DDHD2: variants seen among roughly 807,000 people sequenced by gnomAD.
DDHD2 encodes DDHD domain containing 2, also known as triacylglycerol hydrolase DDHD2.
Under a neutral mutation model 91.2 loss-of-function variants are expected in DDHD2, and 62 were observed. The observed-to-expected ratio is 0.68, with a 90% CI of 0.55 to 0.84. DDHD2 has a LOEUF of 0.84. Among genes scored for constraint, DDHD2 ranks in the 40% least tolerant of loss-of-function variants. The probability of loss-of-function intolerance (pLI) is 0.00; values close to 1 mark genes in which losing one functional copy is unlikely to be tolerated. For synonymous variants in DDHD2, 271 were observed against 293.9 expected, an observed-to-expected ratio of 0.92 and a Z score of 0.80; for missense variants, 740 against 846.9, an observed-to-expected ratio of 0.87 and a Z score of 1.57.
chr8:38,271,226 T>C (rs752819608), exon 2 of DDHD2: 22 of 152,188 alleles, frequency 1.4e-4, no homozygotes, highest in African/African-American at 5.3e-4. Flanking sequence ...GATAAGAGAC[T>C]AGGCTATTTA....
intron 11 of DDHD2, chr8:38,250,643 TTTTTC>T (rs1008578873): frequency 3.0e-4 from 46 of 152,248 alleles, no homozygotes; most frequent in African/African-American, 1.0e-3. Flanking sequence ...ATTTTTTGCT[TTTTTC>T]TTTTCATGAG....
intron 11 of DDHD2, chr8:38,251,541 C>T (rs561655361): frequency 1.3e-4 from 23 of 171,662 alleles, no homozygotes; most frequent in African/African-American, 4.1e-4. Context: ...AAAGTTTCAA[C>T]GCTACTGAAA....
At chr8:38,273,610 A>C (rs551385139), downstream of DDHD2, 2 of 152,390 alleles carry the variant, frequency 1.3e-5, no homozygotes, top group Non-Finnish European at 2.9e-5. Flanking sequence ...TTAAAAAACC[A>C]AACATCATAT....
At chr8:38,237,653 G>A in intron 4 of DDHD2, 26 bp downstream of exon 4, 10 of 1,375,956 alleles carry the variant, frequency 7.3e-6, no homozygotes, top group Non-Finnish European at 1.0e-5. Flanking sequence ...TCTCTTGTCG[G>A]GATAAAAAGT....
At chr8:38,256,389 A>T (rs1806513379) in intron 16 of DDHD2, among the ~76,000 whole-genome samples, 2 of 151,932 alleles carry the variant, frequency 1.3e-5, no homozygotes, top group Non-Finnish European at 2.9e-5. Flanking sequence ...TGTTGCCTAG[A>T]TCTCTGGGCT....
chr8:38,247,829 A>T lies in DDHD2; in HGVS notation c.1242A>T (p.Glu414Asp). The T allele has an allele frequency of 6.4e-7, 1 of 1,559,668 alleles. No individual in the cohort carries two copies. The highest frequency in any genetic ancestry group is 8.6e-7 in the Non-Finnish European group (1 of 1,161,282). Residue 414 changes from glutamate (E) to aspartate (D), a missense_variant, in exon 10 of 18, where the codon GAA becomes GAT. This residue lies in a region of DDHD2 where 693 missense variants were observed against 764.2 expected (regional missense o/e 0.91). Coordinates refer to ENST00000397166, the MANE Select transcript of DDHD2 (RefSeq NM_015214.3). ...DIFEKEKVDKEALALCTDRDL... is the reference protein window; with the variant it reads ...DIFEKEKVDKDALALCTDRDL... Reference sequence around the variant, plus strand: ...TTGAGAAGGAGAAAGTAGATAAGGAAGCTCTGGTAAAAATAATCTTTTAAA... The same window carrying T: ...TTGAGAAGGAGAAAGTAGATAAGGATGCTCTGGTAAAAATAATCTTTTAAA...
chr8:38,252,686 G>C (rs751618199), intron 13 of DDHD2, 36 bp from the exon 14 acceptor site: 1 of 1,444,390 alleles, frequency 6.9e-7, no homozygotes, highest in South Asian at 1.2e-5. Context: ...ACTGTGCTTA[G>C]CAGAGGTAAA....
intron 4 of DDHD2, 30 bp from the exon 5 acceptor site, chr8:38,238,059 T>C: frequency 2.6e-6 from 4 of 1,562,136 alleles, no homozygotes; most frequent in Non-Finnish European, 3.5e-6. Flanking sequence ...TTGCAGAATA[T>C]TTTTATTGCT....
chr8:38,245,486 C>G (rs769110298), intron 7 of DDHD2, among the ~76,000 whole-genome samples: 1 of 151,632 alleles, frequency 6.6e-6, no homozygotes, highest in Non-Finnish European at 1.5e-5. Flanking sequence ...TACCACTTAC[C>G]TCTCTGTCTA....
Position 38,238,110 on chromosome 8 carries a change from G to C in DDHD2, c.523G>C (p.Val175Leu), listed in dbSNP as rs368985789. 3.1e-6 allele frequency: 5 copies of C among 1,611,194 alleles called. No homozygotes were observed. In the African/African-American group the frequency reaches 5.3e-5, roughly 17 times the overall value. Residue 175 changes from valine to leucine, a missense_variant, in exon 5 of 18, where the codon GTT becomes CTT. Val to Leu is a conservative substitution (Grantham distance 32, BLOSUM62 1). Transcript: ENST00000397166. ...TAAGCTTATGGTGCATTACCAGCCA[G>C]TTGCAGGGTCTGATGATTGGGGTTC... is the stretch of plus-strand genomic sequence containing the variant. ...NPKLMVHYQP[V>L]AGSDDWGSTP...
intron 7 of DDHD2, among the ~76,000 whole-genome samples, chr8:38,245,324 T>C (rs1240989261): frequency 2.0e-5 from 3 of 151,332 alleles, no homozygotes; most frequent in African/African-American, 4.9e-5. Context: ...TCCAGCTATT[T>C]GGGAGGCTGG....
intron 16 of DDHD2, among the ~76,000 whole-genome samples, chr8:38,256,296 C>CTTAT (rs962773137): frequency 2.2e-4 from 33 of 152,038 alleles, no homozygotes; most frequent in African/African-American, 4.8e-4. Flanking sequence ...TGGCGTTTAG[C>CTTAT]TTATTTATTT....
At chr8:38,258,198 T>C (rs1806685456) in intron 16 of DDHD2, among the ~76,000 whole-genome samples, 2 of 152,044 alleles carry the variant, frequency 1.3e-5, no homozygotes, top group African/African-American at 4.8e-5. Context: ...GGTCCTTTTT[T>C]CCCCACGTCT....
At chr8:38,268,235 C>A in intron 1 of DDHD2, 1 of 1,065,694 alleles carries the variant, frequency 9.4e-7, no homozygotes. Flanking sequence ...GTGCTATTTT[C>A]CTCTCCCGCG....
At chr8:38,240,930 G>T (rs1805205589) in intron 6 of DDHD2, among the ~76,000 whole-genome samples, 1 of 152,096 alleles carries the variant, frequency 6.6e-6, no homozygotes, top group Admixed American at 6.6e-5. Context: ...AATTAGCCGG[G>T]CGCAGTGGCA....
At chr8:38,241,846 G>A (rs1000847487) in intron 6 of DDHD2, 2 of 156,362 alleles carry the variant, frequency 1.3e-5, no homozygotes, top group African/African-American at 4.8e-5. Context: ...CTAAAGTCAG[G>A]AGTTCAGGAC....
At chr8:38,259,325 A>G (rs922374402) in intron 16 of DDHD2, among the ~76,000 whole-genome samples, 1 of 150,296 alleles carries the variant, frequency 6.7e-6, no homozygotes, top group African/African-American at 2.5e-5. Context: ...GGTTCAAGCG[A>G]TTCTCCTGCC....
chr8:38,241,316 A>G (rs1351572531), intron 6 of DDHD2, among the ~76,000 whole-genome samples: 1 of 151,820 alleles, frequency 6.6e-6, no homozygotes, highest in African/African-American at 2.4e-5. Flanking sequence ...GACTGTTGTT[A>G]TATTGTCATG....
chr8:38,241,053 A>G (rs1359934887), intron 6 of DDHD2, among the ~76,000 whole-genome samples: 1 of 150,682 alleles, frequency 6.6e-6, no homozygotes, highest in Non-Finnish European at 1.5e-5. Flanking sequence ...CCTAGGCAAC[A>G]GAGTGAGACC....
Sources: gnomAD v4.1 joint callset for allele counts (sites outside exome capture counted in the v4.1 genomes callset) on GRCh38, gnomAD v4.1.1 for gene constraint, gnomAD v4.1.1 regional missense constraint, MANE v1.5 for transcripts, NCBI Gene and HGNC (gene_info 2026-07-23, HGNC 2026-07-21) for gene names.